Variants in C9orf85 observed in about 807,000 individuals in gnomAD.
The protein encoded by C9orf85 is chromosome 9 open reading frame 85, also known as uncharacterized protein C9orf85.
Under a neutral mutation model 14.9 loss-of-function variants are expected in C9orf85, and 16 were observed. That is an observed-to-expected ratio of 1.08 (90% CI 0.73 to 1.63). C9orf85 has a LOEUF of 1.63. Among genes scored for constraint, C9orf85 ranks in the 40% most tolerant of loss-of-function variants. The pLI, the probability that C9orf85 is intolerant of heterozygous loss-of-function variation, is 0.00. For missense variants in C9orf85, 172 were observed against 186.1 expected (o/e 0.92, Z 0.44); for synonymous variants, 45 against 56.8 (o/e 0.79, Z 0.93).
intron 2 of C9orf85, among the ~76,000 whole-genome samples, chr9:71,964,485 C>T (rs934590658): frequency 6.6e-6 from 1 of 152,136 alleles, no homozygotes; most frequent in Non-Finnish European, 1.5e-5. Context: ...ACCACAAGCC[C>T]ACCGGGAGCA....
chr9:71,922,930 C>A (rs1281568806), intron 1 of C9orf85, among the ~76,000 whole-genome samples: 1 of 152,162 alleles, frequency 6.6e-6, no homozygotes, highest in South Asian at 2.1e-4. Context: ...GAGTTTGAGA[C>A]CAGCCTGGCC....
At chr9:71,937,167 A>G (rs1458667077) in intron 1 of C9orf85, among the ~76,000 whole-genome samples, 1 of 152,190 alleles carries the variant, frequency 6.6e-6, no homozygotes, top group African/African-American at 2.4e-5. Flanking sequence ...AATTTCCTTA[A>G]AAGTAAGTGA....
At chr9:71,976,957 G>A (rs1008327453), downstream of C9orf85, among the ~76,000 whole-genome samples, 3 of 152,146 alleles carry the variant, frequency 2.0e-5, no homozygotes, top group African/African-American at 7.2e-5. Context: ...CTGACAAGAA[G>A]AAAGCACTTT....
At position 71,968,134 on chromosome 9, in the gene C9orf85, TGAGCATGCGA is replaced by T. The variant is rs1431577803; in HGVS notation, c.210-3367_210-3358del. ...GAGAGAGAGAGTGCATGCAAGAGAATGAGCATGCGAGAGAGTGAGCAAGCGTGTGTGCAAG... is the reference window on the plus strand; with the variant it reads ...GAGAGAGAGAGTGCATGCAAGAGAATGAGAGTGAGCAAGCGTGTGTGCAAG... On this transcript the variant is annotated intron_variant, in intron 2 of 3. Coordinates refer to ENST00000334731, the MANE Select transcript of C9orf85 (RefSeq NM_182505.5). 3.3e-5 allele frequency among the ~76,000 whole-genome samples: 5 copies of T among 149,620 alleles called. No homozygotes were observed. In the East Asian group the frequency reaches 7.8e-4, roughly 23 times the overall value.
intron 1 of C9orf85, among the ~76,000 whole-genome samples, chr9:71,924,720 C>A (rs1262179464): frequency 6.6e-6 from 1 of 152,078 alleles, no homozygotes; most frequent in African/African-American, 2.4e-5. Flanking sequence ...TGACTCATGC[C>A]ACTGAAGTCA....
chr9:71,971,556 G>T lies in C9orf85; in HGVS notation c.261G>T (p.Arg87Ser), dbSNP rs1239666370. 6.2e-7 allele frequency: 1 copy of T among 1,611,958 alleles called. No homozygotes were observed. The highest frequency in any genetic ancestry group is 8.5e-7 in the Non-Finnish European group (1 of 1,179,158). ...TVKDSYHIMC[R>S]PCACELEVCA... is the part of the protein sequence containing the mutation. ...AGGATTCTTATCACATAATGTGCAG[G>T]CCATGTGCCTGTGAACTTGAAGTTT... The change falls in exon 3 of 4, where the codon AGG becomes AGT. Residue 87 changes from arginine to serine, a missense_variant. Arg to Ser is a moderately radical substitution (Grantham distance 110). Transcript: ENST00000334731.
chr9:71,918,501 G>C, intron 1 of C9orf85: 1 of 1,245,474 alleles, frequency 8.0e-7, no homozygotes, highest in South Asian at 1.3e-5. Flanking sequence ...CCCGACCCCC[G>C]CATCGGTCCA....
chr9:71,939,749 G>A (rs1339653729), intron 1 of C9orf85, among the ~76,000 whole-genome samples: 1 of 152,162 alleles, frequency 6.6e-6, no homozygotes, highest in African/African-American at 2.4e-5. Flanking sequence ...GGTGGTATTG[G>A]TGAAAGACTA....
chr9:71,943,335 C>G (rs1260051140), intron 1 of C9orf85, among the ~76,000 whole-genome samples: 1 of 150,816 alleles, frequency 6.6e-6, no homozygotes, highest in Non-Finnish European at 1.5e-5. Flanking sequence ...GAATTATGTA[C>G]AAAAAAAACC....
rs1253679340 is a variant in C9orf85 at position 71,973,352 on chromosome 9, A to T, written c.*510A>T. ...GATTCAGAATTGATGGTTGTATAAG[A>T]ACTAGCTCATGTAAAAATAAAATAA... On this transcript the variant is annotated 3_prime_UTR_variant, in exon 4 of 4. Coordinates refer to ENST00000334731, the MANE Select transcript of C9orf85 (RefSeq NM_182505.5). The T allele has an allele frequency of 3.9e-5, 6 of 152,184 alleles. No individual in the cohort carries two copies. Among genetic ancestry groups the T allele is most frequent in the Non-Finnish European group, 8.8e-5 (6 of 68,036 alleles). 9.4% of individuals were successfully genotyped at this position (152,184 alleles called of 1,614,324 possible).
At chr9:71,940,036 A>T (rs1828290167) in intron 1 of C9orf85, among the ~76,000 whole-genome samples, 2 of 152,094 alleles carry the variant, frequency 1.3e-5, no homozygotes, top group African/African-American at 4.8e-5. Flanking sequence ...TGGTTCATGA[A>T]AGAAAAAAAT....
At chr9:71,982,407 G>C (rs1452508938) in intron 3 of C9orf85, among the ~76,000 whole-genome samples, 1 of 152,102 alleles carries the variant, frequency 6.6e-6, no homozygotes, top group Non-Finnish European at 1.5e-5. Flanking sequence ...ATATACCTAA[G>C]AGGGAGATTA....
At chr9:71,954,908 C>T (rs917408041) in intron 2 of C9orf85, among the ~76,000 whole-genome samples, 7 of 152,168 alleles carry the variant, frequency 4.6e-5, no homozygotes, top group African/African-American at 1.7e-4. Flanking sequence ...CATAAGGCTG[C>T]CTTCCTAACC....
At chr9:71,965,484 C>T (rs972883390) in intron 2 of C9orf85, among the ~76,000 whole-genome samples, 6 of 152,168 alleles carry the variant, frequency 3.9e-5, no homozygotes, top group Non-Finnish European at 8.8e-5. Flanking sequence ...GTTTCCCAAA[C>T]TAGTGTTCTT....
chr9:71,958,365 C>CCATT (rs1822431874), intron 2 of C9orf85, among the ~76,000 whole-genome samples: 1 of 151,112 alleles, frequency 6.6e-6, no homozygotes. Flanking sequence ...CGGGTTCAAG[C>CCATT]CATTCTCCAG....
At chr9:71,980,952 A>G (rs1247006552) in intron 3 of C9orf85, among the ~76,000 whole-genome samples, 1 of 152,202 alleles carries the variant, frequency 6.6e-6, no homozygotes, top group African/African-American at 2.4e-5. Flanking sequence ...TGGTAATAGT[A>G]CACTTCAGAT....
chr9:71,930,006 T>C (rs1319925795), intron 1 of C9orf85, among the ~76,000 whole-genome samples: 1 of 151,250 alleles, frequency 6.6e-6, no homozygotes, highest in Non-Finnish European at 1.5e-5. Context: ...CACAAGAATG[T>C]TGTAAAAATA....
At position 71,971,594 on chromosome 9, in the gene C9orf85, G is replaced by A. The variant is rs1564101720; in HGVS notation, c.299G>A (p.Gly100Glu). 1.2e-6 allele frequency: 2 copies of A among 1,610,082 alleles called. No individual in the cohort carries two copies. The highest frequency in any genetic ancestry group is 1.7e-5 in the Admixed American group (1 of 59,812). Residue 100 changes from glycine (G) to glutamate (E), a missense_variant, in exon 3 of 4, where the codon GGA becomes GAA. Transcript: ENST00000334731. ...ACELEVCAKC[G>E]KKEDIVIPLN... The stretch of plus-strand genomic sequence containing the variant: ...GAACTTGAAGTTTGCGCAAAATGTG[G>A]AAAGAAAGAAGACATTGTTATTCCG...
chr9:71,933,687 A>G (rs1828123788), intron 1 of C9orf85, among the ~76,000 whole-genome samples: 1 of 152,204 alleles, frequency 6.6e-6, no homozygotes, highest in African/African-American at 2.4e-5. Flanking sequence ...TAAAGATAAC[A>G]TCATAACATA....
Sources: gnomAD v4.1 joint callset for allele counts (sites outside exome capture counted in the v4.1 genomes callset) on GRCh38, gnomAD v4.1.1 for gene constraint, MANE v1.5 for transcripts, NCBI Gene and HGNC (gene_info 2026-07-23, HGNC 2026-07-21) for gene names.